ZNF207: variants seen among roughly 807,000 people sequenced by gnomAD.
ZNF207 encodes the protein zinc finger protein 207.
ZNF207 carries 24 observed loss-of-function variants against 60.2 expected under a neutral mutation model. The ratio of observed to expected loss-of-function variants is 0.40; its 90% CI spans 0.29 to 0.56. The LOEUF (loss-of-function observed/expected upper bound fraction) is 0.56, where lower values mean the gene tolerates loss of function less well. Ranked by LOEUF, ZNF207 falls within the 20% of genes least tolerant of loss-of-function variation. The pLI, the probability that ZNF207 is intolerant of heterozygous loss-of-function variation, is 0.49. For missense variants in ZNF207, 452 were observed against 636.6 expected (o/e 0.71, Z 3.12); for synonymous variants, 236 against 194.7 (o/e 1.21, Z -1.77).
chr17:32,378,792 A>G lies in ZNF207; in HGVS notation c.*9033A>G, dbSNP rs914070857. On this transcript the variant is annotated 3_prime_UTR_variant, in exon 12 of 12. Transcript: ENST00000394670. Reference sequence around the variant, plus strand: ...ATGTTGTGCTTTTAGGTTGATAACAAATGTAAAGCACTGAGGAGGGAGGAA... The same window carrying G: ...ATGTTGTGCTTTTAGGTTGATAACAGATGTAAAGCACTGAGGAGGGAGGAA... 6.6e-6 allele frequency: 1 copy of G among 152,082 alleles called. No homozygotes were observed. Among genetic ancestry groups the G allele is most frequent in the South Asian group, 2.1e-4 (1 of 4,830 alleles). The allele number at this position is 152,082 out of a possible 1,614,324, so 9.4% of individuals were successfully genotyped here. A position where few individuals can be genotyped will look rare whatever the true frequency, so the allele number is the denominator to read the frequency against.
At position 32,351,400 on chromosome 17, in the gene ZNF207, C is replaced by A. The variant is rs1042691468; in HGVS notation, c.42-386C>A. ...CCAGTTATTGCTATCGTCTTCATAT[C>A]TAGTGAAGTAATTGTCTTGACAGAA... On this transcript the variant is annotated intron_variant, in intron 1 of 11. Transcript: ENST00000394670. 3.3e-6 allele frequency: 4 copies of A among 1,209,888 alleles called. No individual in the cohort carries two copies. In the African/African-American group the frequency reaches 4.6e-5, roughly 14 times the overall value. 74.9% of individuals were successfully genotyped at this position (1,209,888 alleles called of 1,614,324 possible).
At chr17:32,363,617 T>C (rs1470150760) in intron 7 of ZNF207, among the ~76,000 whole-genome samples, 5 of 139,968 alleles carry the variant, frequency 3.6e-5, no homozygotes, top group Non-Finnish European at 6.1e-5. Context: ...CTGCAACCTC[T>C]GCTTCCGGGG....
chr17:32,359,586 C>T (rs1413682726), intron 3 of ZNF207, among the ~76,000 whole-genome samples: 1 of 151,578 alleles, frequency 6.6e-6, no homozygotes, highest in Non-Finnish European at 1.5e-5. Flanking sequence ...CACTTAAGCC[C>T]AGAGTTAGTA....
Position 32,361,456 on chromosome 17 carries a change from A to T in ZNF207, c.552-12A>T. On this transcript the variant is annotated splice_polypyrimidine_tract_variant and intron_variant, in intron 5 of 11. Transcript: ENST00000394670. ...CACAGTTAGATTTTGATTTTGTCAT[A>T]CATTTTCACAGATTGCATCATCAGA... 1.2e-6 allele frequency: 2 copies of T among 1,606,736 alleles called. No homozygotes were observed. The highest frequency in any genetic ancestry group is 1.7e-6 in the Non-Finnish European group (2 of 1,176,078).
At chr17:32,358,674 T>G (rs748884912) in intron 3 of ZNF207, 33 bp downstream of exon 3, 1 of 1,375,468 alleles carries the variant, frequency 7.3e-7, no homozygotes, top group Non-Finnish European at 9.4e-7. Flanking sequence ...TTTTATTTAT[T>G]TATTTTTTTT....
rs1229012248 is a variant in ZNF207, at chr17:32,376,801, T to TA, written c.*7045dup. The TA allele has an allele frequency of 2.0e-5, 3 of 152,088 alleles. No individual in the cohort carries two copies. Among genetic ancestry groups the TA allele is most frequent in the Non-Finnish European group, 2.9e-5 (2 of 67,918 alleles). The allele number at this position is 152,088 out of a possible 1,614,324, so 9.4% of individuals were successfully genotyped here. On this transcript the variant is annotated 3_prime_UTR_variant, in exon 12 of 12. Transcript: ENST00000394670. Reference sequence around the variant, plus strand: ...TAACCTCAGAGGAGGTACATGTGAGTAAACTGTCTTAATGGTTGATTACTT... The same window carrying TA: ...TAACCTCAGAGGAGGTACATGTGAGTAAAACTGTCTTAATGGTTGATTACTT...
At position 32,361,014 on chromosome 17, in the gene ZNF207, A is replaced by G. The variant is rs769522057; in HGVS notation, c.551+47A>G. ...CCCTGTAGGCTTGTGCCTAGTAATG[A>G]TCTTTTTCAATTTGGATGTTATATG... On this transcript the variant is annotated intron_variant, in intron 5 of 11. Coordinates refer to ENST00000394670, the MANE Select transcript of ZNF207 (RefSeq NM_001098507.2). 4.4e-6 allele frequency: 7 copies of G among 1,580,736 alleles called. No individual in the cohort carries two copies. The African/African-American group carries it at 8.1e-5, about 18-fold the overall frequency.
Position 32,378,224 on chromosome 17 carries a change from T to C in ZNF207, c.*8465T>C, listed in dbSNP as rs529850049. 1.1e-4 allele frequency: 16 copies of C among 152,170 alleles called. No individual in the cohort carries two copies. The highest frequency in any genetic ancestry group is 3.9e-4 in the African/African-American group (16 of 41,558). 9.4% of individuals were successfully genotyped at this position (152,170 alleles called of 1,614,324 possible). A position where few individuals can be genotyped will look rare whatever the true frequency, so the allele number is the denominator to read the frequency against. On this transcript the variant is annotated 3_prime_UTR_variant, in exon 12 of 12. Transcript: ENST00000394670. ...TGGTTCAACCTAAGTAGATACATTG[T>C]ACATAAAAGGAAAAGACAGTTTCAG...
rs1193623402 is a variant in ZNF207, at chr17:32,376,374, A to G, written c.*6615A>G. ...AGTAAGATAATTGCTTTTAATAAGT[A>G]TATTTTTCTTGCTCTTGGCTCTATA... On this transcript the variant is annotated 3_prime_UTR_variant, in exon 12 of 12. Coordinates refer to ENST00000394670, the MANE Select transcript of ZNF207 (RefSeq NM_001098507.2). The G allele has an allele frequency of 6.6e-6, 1 of 152,054 alleles. No individual in the cohort carries two copies. The highest frequency in any genetic ancestry group is 1.5e-5 in the Non-Finnish European group (1 of 67,914). 9.4% of individuals were successfully genotyped at this position (152,054 alleles called of 1,614,324 possible).
At chr17:32,351,346 T>A (rs2041503709) in intron 1 of ZNF207, 1 of 752,266 alleles carries the variant, frequency 1.3e-6, no homozygotes, top group Non-Finnish European at 1.8e-6. Flanking sequence ...TAGTTACTCT[T>A]AGATTCTAAA....
chr17:32,368,997 C>G, intron 10 of ZNF207: 1 of 243,572 alleles, frequency 4.1e-6, no homozygotes, highest in East Asian at 9.2e-5. Flanking sequence ...GAGTGAAACC[C>G]CGTCTCAAAA....
In ZNF207 at chr17:32,374,337, C is replaced by G. The variant is rs1041899814; in HGVS notation, c.*4578C>G. 3 of 151,196 alleles carry G rather than the reference C, an allele frequency of 2.0e-5. No individual in the cohort carries two copies. Among genetic ancestry groups the G allele is most frequent in the African/African-American group, 7.3e-5 (3 of 40,942 alleles). The allele number at this position is 151,196 out of a possible 1,614,324, so 9.4% of individuals were successfully genotyped here. ...GATTCAAGCGATTCTCCTGTCTCAG[C>G]CTCCCGAGTAGCTGGGACTACAGGT... On this transcript the variant is annotated 3_prime_UTR_variant, in exon 12 of 12. Coordinates refer to ENST00000394670, the MANE Select transcript of ZNF207 (RefSeq NM_001098507.2).
intron 10 of ZNF207, 58 bp downstream of exon 10, chr17:32,368,072 C>G (rs777094267): frequency 8.8e-6 from 14 of 1,595,448 alleles, no homozygotes; most frequent in Non-Finnish European, 1.2e-5. Flanking sequence ...TATAGCAGTT[C>G]GTCCCTTTAA....
At chr17:32,367,269 A>ACG (rs1905233838) in intron 9 of ZNF207, among the ~76,000 whole-genome samples, 3 of 110,330 alleles carry the variant, frequency 2.7e-5, no homozygotes, top group Non-Finnish European at 5.5e-5. Context: ...ATATATATAT[A>ACG]TATATATATA....
chr17:32,361,956 T>G (rs1468946258), intron 6 of ZNF207, among the ~76,000 whole-genome samples: 1 of 152,224 alleles, frequency 6.6e-6, no homozygotes, highest in East Asian at 1.9e-4. Flanking sequence ...TTTATCATTT[T>G]TTAAGTGAAT....
At chr17:32,351,943 G>T in intron 2 of ZNF207, 31 bp downstream of exon 2, 3 of 1,484,528 alleles carry the variant, frequency 2.0e-6, no homozygotes, top group Non-Finnish European at 9.0e-7. Context: ...TTTATTGTCC[G>T]CTTGTGATTT....
chr17:32,362,631 C>A (rs1032707463), intron 6 of ZNF207: 1 of 268,944 alleles, frequency 3.7e-6, no homozygotes, highest in Non-Finnish European at 6.9e-6. Flanking sequence ...TTAGATGAGG[C>A]CTCTTGTACA....
In ZNF207 at chr17:32,370,234, T is replaced by C. The variant is rs975336976; in HGVS notation, c.*475T>C. The stretch of plus-strand genomic sequence containing the variant: ...GGAAGTCTGAATGTGTAACAATATT[T>C]AATGTATTTAGAGTTCCTCATGTTG... On this transcript the variant is annotated 3_prime_UTR_variant, in exon 12 of 12. Transcript: ENST00000394670. 6.5e-5 allele frequency: 10 copies of C among 152,836 alleles called. No individual in the cohort carries two copies. Among genetic ancestry groups the C allele is most frequent in the African/African-American group, 1.9e-4 (8 of 41,460 alleles). The allele number at this position is 152,836 out of a possible 1,614,324, so 9.5% of individuals were successfully genotyped here.
rs11538423 is a variant in ZNF207 at position 32,350,271 on chromosome 17, C to T, written c.-15C>T. ...TCTTTTCTCCTCCCTTTTACTTTGC[C>T]GGTAGAACACAGTTATGGGTCGCAA... is the stretch of plus-strand genomic sequence containing the variant. On this transcript the variant is annotated 5_prime_UTR_variant, in exon 1 of 12. Coordinates refer to ENST00000394670, the MANE Select transcript of ZNF207 (RefSeq NM_001098507.2). The T allele has an allele frequency of 3.7e-6, 6 of 1,614,022 alleles. No homozygotes were observed. The highest frequency in any genetic ancestry group is 5.1e-6 in the Non-Finnish European group (6 of 1,179,958).
Sources: allele counts gnomAD v4.1 joint callset (sites outside exome capture counted in the v4.1 genomes callset), GRCh38; gene constraint gnomAD v4.1.1; transcripts MANE v1.5; gene names NCBI Gene and HGNC (gene_info 2026-07-23, HGNC 2026-07-21).